SIGLEC9: variants seen among roughly 807,000 people sequenced by gnomAD.
SIGLEC9 encodes sialic acid-binding Ig-like lectin 9.
A neutral mutation model predicts 38.3 loss-of-function variants in SIGLEC9; 26 were observed. That is an observed-to-expected ratio of 0.68 (90% CI 0.50 to 0.94). SIGLEC9 has a LOEUF of 0.94. Among genes scored for constraint, SIGLEC9 ranks in the 40% least tolerant of loss-of-function variants. The pLI, the probability that SIGLEC9 is intolerant of heterozygous loss-of-function variation, is 0.00. For missense variants in SIGLEC9, 556 were observed against 585.7 expected (o/e 0.95, Z 0.52); for synonymous variants, 236 against 248.0 (o/e 0.95, Z 0.45).
upstream of SIGLEC9, among the ~76,000 whole-genome samples, chr19:51,124,472 C>T (rs1387469413): frequency 6.6e-6 from 1 of 152,084 alleles, no homozygotes; most frequent in Non-Finnish European, 1.5e-5. Flanking sequence ...GTGTTGACCT[C>T]GTTGTGCAGA....
chr19:51,121,155 T>TTTTTTTG (rs1668012665), upstream of SIGLEC9, among the ~76,000 whole-genome samples: 2 of 140,836 alleles, frequency 1.4e-5, no homozygotes, highest in South Asian at 4.2e-4. Context: ...AGAGTATGAG[T>TTTTTTTG]TTTTTTGTTT....
Position 51,127,972 on chromosome 19 carries a change from C to A in SIGLEC9, c.1039C>A (p.Gln347Lys). Residue 347 changes from glutamine to lysine, a missense_variant, in exon 5 of 7, where the codon CAG becomes AAG. By Grantham distance (53) the Gln-to-Lys change is moderately conservative. Transcript: ENST00000250360. Reference protein sequence around the residue: ...LQSKATSGVTQGVVGGAGATA... With the variant: ...LQSKATSGVTKGVVGGAGATA... The stretch of plus-strand genomic sequence containing the variant: ...AGGCAAAGCCACATCAGGAGTGACT[C>A]AGGGGGTGGTCGGGGGAGCTGGAGC... 1 of 1,613,726 alleles carries A rather than the reference C, an allele frequency of 6.2e-7. No individual in the cohort carries two copies. Among genetic ancestry groups the A allele is most frequent in the Non-Finnish European group, 8.5e-7 (1 of 1,179,650 alleles).
At chr19:51,127,555 C>T (rs1479891729) in intron 4 of SIGLEC9, among the ~76,000 whole-genome samples, 4 of 152,020 alleles carry the variant, frequency 2.6e-5, no homozygotes, top group Admixed American at 2.0e-4. Flanking sequence ...AGACAAGCGC[C>T]TTTCTTTGCA....
upstream of SIGLEC9, among the ~76,000 whole-genome samples, chr19:51,124,118 G>A (rs1255850964): frequency 6.6e-6 from 1 of 152,194 alleles, no homozygotes; most frequent in Non-Finnish European, 1.5e-5. Context: ...GTGCAGTGAG[G>A]AAAGGAGAAA....
At chr19:51,123,935 C>T (rs1477755468), upstream of SIGLEC9, among the ~76,000 whole-genome samples, 4 of 152,254 alleles carry the variant, frequency 2.6e-5, no homozygotes, top group Admixed American at 2.0e-4. Context: ...CTGCCCATCG[C>T]GGAGGGTGCA....
rs969100103 is a variant in SIGLEC9 at position 51,127,025 on chromosome 19, T to G, written c.749-5T>G. The G allele has an allele frequency of 5.6e-6, 9 of 1,613,490 alleles. No individual in the cohort carries two copies. The Admixed American group carries it at 6.7e-5, about 12-fold the overall frequency. On this transcript the variant is annotated splice_region_variant and splice_polypyrimidine_tract_variant and intron_variant, in intron 3 of 6. Coordinates refer to ENST00000250360, the MANE Select transcript of SIGLEC9 (RefSeq NM_014441.3). ...CTCTCTGACCCTCTGTCTCTTTTTC[T>G]ACAGTATCCACAGTCTTGGGAAATG...
upstream of SIGLEC9, among the ~76,000 whole-genome samples, chr19:51,123,747 G>C (rs904051816): frequency 2.0e-5 from 3 of 152,080 alleles, no homozygotes; most frequent in East Asian, 1.9e-4. Context: ...TTTTTTCTTG[G>C]GGGGAAGACA....
upstream of SIGLEC9, among the ~76,000 whole-genome samples, chr19:51,124,100 C>T (rs1487532999): frequency 6.6e-6 from 1 of 152,162 alleles, no homozygotes; most frequent in East Asian, 1.9e-4. Context: ...GTGAAGAAAC[C>T]CTTCGTGGTG....
chr19:51,136,191 T>TG lies in SIGLEC9; in HGVS notation c.1436dup (p.Ter480LeufsTer5). Reference sequence around the variant, plus strand: ...TTTCACTGGTTCTTCCTCATCTGTGTGGGCTGATGTTCCTTTAATCTTTGA... The same window carrying TG: ...TTTCACTGGTTCTTCCTCATCTGTGTGGGGCTGATGTTCCTTTAATCTTTGA... On this transcript the variant is annotated frameshift_variant, in exon 7 of 7. Coordinates refer to the SIGLEC9 transcript ENST00000440804. LOFTEE classifies it high-confidence loss of function. 1.4e-6 allele frequency: 1 copy of TG among 703,332 alleles called. No homozygotes were observed. The highest frequency in any genetic ancestry group is 2.6e-6 in the Non-Finnish European group (1 of 384,964). 43.6% of individuals were successfully genotyped at this position (703,332 alleles called of 1,614,324 possible).
chr19:51,134,157 T>TTC (rs985195633), downstream of SIGLEC9, among the ~76,000 whole-genome samples: 3 of 128,752 alleles, frequency 2.3e-5, no homozygotes, highest in Non-Finnish European at 4.9e-5. Context: ...CTTTTTTTTT[T>TTC]TTTTTTTTTT....
chr19:51,131,581 G>A (rs990752839), downstream of SIGLEC9, among the ~76,000 whole-genome samples: 5 of 148,532 alleles, frequency 3.4e-5, no homozygotes, highest in East Asian at 5.9e-4. Context: ...GCGAGACTCC[G>A]TCTCAAAAAA....
In SIGLEC9 at chr19:51,126,752, G is replaced by C. The variant is rs577616595; in HGVS notation, c.749-278G>C. Among the ~76,000 whole-genome samples, 3 of 152,300 alleles carry C rather than the reference G, an allele frequency of 2.0e-5. No homozygotes were observed. In the South Asian group the frequency reaches 6.2e-4, roughly 32 times the overall value. On this transcript the variant is annotated intron_variant, in intron 3 of 6. Transcript: ENST00000250360. ...TCCTACGGCAGGATAGAACAATCTT[G>C]TATCTACTTCCACAGGAATATCTAA...
intron 3 of SIGLEC9, among the ~76,000 whole-genome samples, 197 bp downstream of exon 3, chr19:51,126,325 C>T (rs1160264837): frequency 6.6e-6 from 1 of 151,286 alleles, no homozygotes; most frequent in Non-Finnish European, 1.5e-5. Flanking sequence ...CCCCCACACA[C>T]CCCCCCCTCA....
At chr19:51,126,173 A>G (rs200538014) in intron 3 of SIGLEC9, 45 bp downstream of exon 3, 21 of 1,565,802 alleles carry the variant, frequency 1.3e-5, no homozygotes, top group Non-Finnish European at 1.8e-5. Context: ...CAGGGCCTTC[A>G]GGTCAGGATG....
chr19:51,129,134 C>T (rs1369275160), intron 6 of SIGLEC9, among the ~76,000 whole-genome samples: 1 of 146,864 alleles, frequency 6.8e-6, no homozygotes, highest in African/African-American at 2.7e-5. Flanking sequence ...AGTGCACATT[C>T]TGACTTTTTT....
chr19:51,132,246 G>C (rs1475121204), downstream of SIGLEC9, among the ~76,000 whole-genome samples: 1 of 152,184 alleles, frequency 6.6e-6, no homozygotes, highest in Admixed American at 6.5e-5. Context: ...GAAGCTTCCT[G>C]AGACCCTCAC....
chr19:51,124,928 T>G lies in SIGLEC9; in HGVS notation c.-47T>G. On this transcript the variant is annotated 5_prime_UTR_variant, in exon 1 of 7. Transcript: ENST00000250360. ...CCCGCAGTTCCTGAGAGAAGAACCC[T>G]GAGGAACAGACGTTCCCTCGCGGCC... 1 of 1,565,162 alleles carries G rather than the reference T, an allele frequency of 6.4e-7. No individual in the cohort carries two copies. The highest frequency in any genetic ancestry group is 8.7e-7 in the Non-Finnish European group (1 of 1,155,914).
chr19:51,129,716 A>C (rs2092004371), intron 6 of SIGLEC9, among the ~76,000 whole-genome samples, 175 bp from the exon 7 acceptor site: 1 of 150,826 alleles, frequency 6.6e-6, no homozygotes, highest in Non-Finnish European at 1.5e-5. Context: ...CACCTGGCTA[A>C]TTTTGTATTT....
upstream of SIGLEC9, among the ~76,000 whole-genome samples, chr19:51,123,971 C>T (rs372437969): frequency 4.1e-3 from 620 of 152,228 alleles, 5 homozygotes; most frequent in Non-Finnish European, 6.4e-3. Context: ...GTCCTCACTC[C>T]ACATCTCCTG....
Sources: allele counts gnomAD v4.1 joint callset (sites outside exome capture counted in the v4.1 genomes callset), GRCh38; gene constraint gnomAD v4.1.1; transcripts MANE v1.5; gene names NCBI Gene and HGNC (gene_info 2026-07-23, HGNC 2026-07-21).